PCF11: variants seen among roughly 807,000 people sequenced by gnomAD.
The protein encoded by PCF11 is pre-mRNA cleavage complex 2 protein Pcf11.
Under a neutral mutation model 166.1 loss-of-function variants are expected in PCF11, and 19 were observed. The ratio of observed to expected loss-of-function variants is 0.11; its 90% confidence interval spans 0.08 to 0.17. The LOEUF is 0.17. Ranked by LOEUF, PCF11 falls within the 10% of genes least tolerant of loss-of-function variation. The pLI, the probability that PCF11 is intolerant of heterozygous loss-of-function variation, is 1.00. For missense variants in PCF11, 1,565 were observed against 1,855.5 expected (o/e 0.84, Z 2.88); for synonymous variants, 663 against 644.1 (o/e 1.03, Z -0.44).
exon 8 of PCF11, chr11:83,168,608 C>T (rs771296539): frequency 1.2e-6 from 2 of 1,613,938 alleles, no homozygotes; most frequent in Admixed American, 3.3e-5. Flanking sequence ...CCTAGTAGGC[C>T]ATCAGTAGCA....
intron 10 of PCF11, among the ~76,000 whole-genome samples, chr11:83,177,502 C>CT (rs1305842877): frequency 2.0e-5 from 3 of 152,122 alleles, no homozygotes; most frequent in African/African-American, 7.2e-5. Flanking sequence ...AAATAAATGA[C>CT]TTTTATTATA....
chr11:83,169,885 A>G (rs1303817662), exon 8 of PCF11: 1 of 1,613,198 alleles, frequency 6.2e-7, no homozygotes, highest in Non-Finnish European at 8.5e-7. Flanking sequence ...TCCACTTAAC[A>G]GAGCTTCTGG....
At position 83,171,984 on chromosome 11, in the gene PCF11, G is replaced by A. The variant is rs1296056855; in HGVS notation, c.3757+70G>A. Reference sequence around the variant, plus strand: ...TGTTTTGTTGAATAGCTAACTTTGTGAATTTTAGGAAATGACAGTTTTGCA... The same window carrying A: ...TGTTTTGTTGAATAGCTAACTTTGTAAATTTTAGGAAATGACAGTTTTGCA... On this transcript the variant is annotated intron_variant, in intron 9 of 15. Transcript: ENST00000298281. 3.9e-6 allele frequency: 3 copies of A among 770,846 alleles called. No individual in the cohort carries two copies. In the African/African-American group the frequency reaches 5.2e-5, roughly 13 times the overall value. 47.8% of individuals were successfully genotyped at this position (770,846 alleles called of 1,614,324 possible).
chr11:83,160,049 C>T (rs1430847510), intron 1 of PCF11, among the ~76,000 whole-genome samples: 1 of 152,162 alleles, frequency 6.6e-6, no homozygotes, highest in African/African-American at 2.4e-5. Context: ...GACCCACATG[C>T]AGTGGGTGAA....
intron 1 of PCF11, chr11:83,157,971 CAT>C: frequency 4.3e-6 from 1 of 232,224 alleles, no homozygotes; most frequent in East Asian, 9.1e-5. Context: ...TAAGAGTTAA[CAT>C]AAGCCATTTT....
intron 1 of PCF11, chr11:83,158,910 T>C (rs1245953635): frequency 6.6e-6 from 1 of 152,210 alleles, no homozygotes; most frequent in Non-Finnish European, 1.5e-5. Flanking sequence ...CTTTGTAAGG[T>C]GTAGAATCTG....
chr11:83,169,620 T>A, exon 8 of PCF11: 2 of 1,613,978 alleles, frequency 1.2e-6, no homozygotes, highest in Non-Finnish European at 1.7e-6. Context: ...AAAGATTTGA[T>A]GGTCCACAAC....
chr11:83,162,154 G>A (rs1348092073), intron 2 of PCF11, among the ~76,000 whole-genome samples: 2 of 152,188 alleles, frequency 1.3e-5, no homozygotes, highest in Non-Finnish European at 2.9e-5. Context: ...GATTTGCTGA[G>A]GTAATTCTCT....
chr11:83,182,218 A>G (rs1010800014), intron 13 of PCF11, among the ~76,000 whole-genome samples, 181 bp from the exon 14 acceptor site: 13 of 152,256 alleles, frequency 8.5e-5, no homozygotes, highest in African/African-American at 3.1e-4. Flanking sequence ...TACTCTTTTT[A>G]CTGGAAAGAT....
At chr11:83,157,431 C>G in exon 1 of PCF11, 9 of 1,605,004 alleles carry the variant, frequency 5.6e-6, no homozygotes, top group Non-Finnish European at 7.6e-6. Context: ...GGAGGGGGGC[C>G]GCGGCGCAAT....
intron 9 of PCF11, among the ~76,000 whole-genome samples, chr11:83,175,782 C>T (rs1860858622): frequency 6.6e-6 from 1 of 152,056 alleles, no homozygotes; most frequent in Non-Finnish European, 1.5e-5. Context: ...AAAAAAGAAT[C>T]ACAATTATTA....
intron 11 of PCF11, among the ~76,000 whole-genome samples, chr11:83,179,581 C>A (rs1021301607): frequency 6.6e-6 from 1 of 152,078 alleles, no homozygotes; most frequent in South Asian, 2.1e-4. Context: ...CTTGATTTAC[C>A]ACATCTGGAC....
At chr11:83,184,738 T>A in exon 16 of PCF11, 1 of 1,611,826 alleles carries the variant, frequency 6.2e-7, no homozygotes, top group Non-Finnish European at 8.5e-7. Context: ...ACCCCTTGAA[T>A]ATTATGTTGA....
intron 3 of PCF11, 72 bp downstream of exon 3, chr11:83,163,939 T>A: frequency 1.5e-6 from 1 of 682,370 alleles, no homozygotes. Flanking sequence ...CAGAACTTAC[T>A]GCCAGAAAGT....
Position 83,169,330 on chromosome 11 carries a change from T to C in PCF11, c.2995T>C (p.Leu999=), listed in dbSNP as rs775976497. ...GGTTGGTATCAGGTTTGAAGGCCCT[T>C]TAGTCCAACAAGGAGGTGGAATGAG... The change falls in exon 8 of 16, where the codon TTA becomes CTA. Residue 999 remains leucine (L), a synonymous_variant. Coordinates refer to ENST00000298281, the Ensembl canonical transcript of PCF11. The C allele has an allele frequency of 3.1e-6, 5 of 1,611,736 alleles. No homozygotes were observed. The Admixed American group carries it at 8.4e-5, about 27-fold the overall frequency.
chr11:83,166,295 A>G (rs769986152), exon 5 of PCF11: 4 of 1,613,592 alleles, frequency 2.5e-6, no homozygotes, highest in Admixed American at 3.3e-5. Context: ...AGTCAGAAAA[A>G]CAGGGGACAA....
chr11:83,174,655 A>G (rs150281337), intron 9 of PCF11, among the ~76,000 whole-genome samples: 133 of 152,244 alleles, frequency 8.7e-4, no homozygotes, highest in South Asian at 7.9e-3. Context: ...GGTAGGAACT[A>G]TTATTACCCT....
chr11:83,169,794 A>G (rs1443201929), exon 8 of PCF11: 3 of 1,613,860 alleles, frequency 1.9e-6, no homozygotes, highest in Non-Finnish European at 2.5e-6. Context: ...TACAGTTCCA[A>G]AGACATGAAC....
intron 2 of PCF11, among the ~76,000 whole-genome samples, chr11:83,163,045 A>T (rs1298899388): frequency 6.6e-6 from 1 of 152,230 alleles, no homozygotes; most frequent in Non-Finnish European, 1.5e-5. Context: ...TGTTGGAATT[A>T]CAGGCGTGAG....
Sources: allele counts gnomAD v4.1 joint callset (sites outside exome capture counted in the v4.1 genomes callset), GRCh38; gene constraint gnomAD v4.1.1; transcripts MANE v1.5; gene names NCBI Gene and HGNC (gene_info 2026-07-23, HGNC 2026-07-21).